CMTM7: variants seen among roughly 807,000 people sequenced by gnomAD.
The protein encoded by CMTM7 is CKLF like MARVEL transmembrane domain containing 7.
In CMTM7, 7 loss-of-function variants were observed where a neutral mutation model predicts 19.3. That is an observed-to-expected ratio of 0.36 (90% confidence interval 0.21 to 0.68). The LOEUF is 0.68. Among genes scored for constraint, CMTM7 ranks in the 30% least tolerant of loss-of-function variants. CMTM7 has a pLI of 0.60. For synonymous variants in CMTM7, 87 were observed against 99.3 expected (o/e 0.88, Z 0.74); for missense variants, 193 against 232.6 (o/e 0.83, Z 1.11).
At chr3:32,419,011 T>C (rs1458158506) in intron 1 of CMTM7, among the ~76,000 whole-genome samples, 3 of 152,230 alleles carry the variant, frequency 2.0e-5, no homozygotes, top group Non-Finnish European at 4.4e-5. Context: ...TATCATGAAT[T>C]AATAATATCT....
chr3:32,454,414 C>T lies in CMTM7; in HGVS notation c.*160C>T. 1.2e-6 allele frequency: 1 copy of T among 846,812 alleles called. No individual in the cohort carries two copies. The highest frequency in any genetic ancestry group is 2.0e-6 in the Non-Finnish European group (1 of 506,312). The allele number at this position is 846,812 out of a possible 1,614,324, so 52.5% of individuals were successfully genotyped here. A position where few individuals can be genotyped will look rare whatever the true frequency, so the allele number is the denominator to read the frequency against. The stretch of plus-strand genomic sequence containing the variant: ...TTCCTGCTCTCCCAGGAAGCCAGCT[C>T]CCTGAGCTCCTGAGCCAGCCGGAAA... On this transcript the variant is annotated 3_prime_UTR_variant, in exon 5 of 5. Transcript: ENST00000334983.
intron 1 of CMTM7, among the ~76,000 whole-genome samples, chr3:32,403,279 A>G (rs112947986): frequency 1.3e-3 from 201 of 152,232 alleles, no homozygotes; most frequent in African/African-American, 4.6e-3. Flanking sequence ...CAGTGGTGCT[A>G]TCTCTGCTCA....
intron 4 of CMTM7, 149 bp from the exon 5 acceptor site, chr3:32,454,092 A>T (rs1027146912): frequency 2.6e-5 from 23 of 878,950 alleles, no homozygotes; most frequent in African/African-American, 1.9e-4. Flanking sequence ...ATGTATTTTT[A>T]AAAAATGGAA....
At chr3:32,430,811 G>T (rs377134710) in intron 1 of CMTM7, among the ~76,000 whole-genome samples, 26 of 151,972 alleles carry the variant, frequency 1.7e-4, no homozygotes, top group Middle Eastern at 3.2e-3. Context: ...GTCATCCCAC[G>T]TGTTAGAGAT....
chr3:32,443,503 T>C (rs1174401018), intron 2 of CMTM7, among the ~76,000 whole-genome samples: 1 of 152,250 alleles, frequency 6.6e-6, no homozygotes, highest in Non-Finnish European at 1.5e-5. Context: ...ACCTTTTGGC[T>C]ATTATGAATA....
chr3:32,399,013 A>G (rs1250714418), intron 1 of CMTM7, among the ~76,000 whole-genome samples: 1 of 152,042 alleles, frequency 6.6e-6, no homozygotes, highest in Non-Finnish European at 1.5e-5. Context: ...AAGAGCACGG[A>G]CCCTGGCTGT....
chr3:32,432,351 G>A (rs927992985), intron 1 of CMTM7, among the ~76,000 whole-genome samples: 4 of 152,090 alleles, frequency 2.6e-5, no homozygotes, highest in Admixed American at 6.5e-5. Context: ...CTGCCTCAGC[G>A]AGTGCTTCCT....
intron 1 of CMTM7, among the ~76,000 whole-genome samples, chr3:32,419,833 G>A (rs991522983): frequency 2.0e-5 from 3 of 152,152 alleles, no homozygotes; most frequent in Admixed American, 2.0e-4. Context: ...GCTTGTTAAT[G>A]ACTCAACCCA....
intron 1 of CMTM7, among the ~76,000 whole-genome samples, chr3:32,392,549 G>A (rs1057475712): frequency 1.6e-4 from 25 of 152,240 alleles, no homozygotes; most frequent in Non-Finnish European, 3.4e-4. Context: ...CCTGCTCTGT[G>A]TGCAGTTTCG....
At chr3:32,446,537 A>G (rs1335113261) in intron 2 of CMTM7, among the ~76,000 whole-genome samples, 3 of 151,090 alleles carry the variant, frequency 2.0e-5, no homozygotes, top group Non-Finnish European at 4.4e-5. Context: ...CCTTAGGTTT[A>G]GTTTGATCTT....
chr3:32,409,657 A>G (rs1003721324), intron 1 of CMTM7, among the ~76,000 whole-genome samples: 2 of 152,326 alleles, frequency 1.3e-5, no homozygotes, highest in South Asian at 4.1e-4. Context: ...TGGAGAGTCC[A>G]GGACACAGCT....
At chr3:32,450,415 A>C (rs1696812955) in intron 3 of CMTM7, among the ~76,000 whole-genome samples, 2 of 152,118 alleles carry the variant, frequency 1.3e-5, no homozygotes, top group South Asian at 4.1e-4. Flanking sequence ...AAAAGAGAAA[A>C]AGAAAAGCTC....
In CMTM7 at chr3:32,443,102, C is replaced by T. The variant is rs150582021; in HGVS notation, c.333+1089C>T. Among the ~76,000 whole-genome samples, 375 of 152,020 alleles carry T rather than the reference C, an allele frequency of 2.5e-3. 4 individuals are homozygous for T. The highest frequency in any genetic ancestry group is 8.4e-3 in the African/African-American group (348 of 41,484). On this transcript the variant is annotated intron_variant, in intron 2 of 4. Transcript: ENST00000334983. ...TGTAGCAGGTATCAGTATTTCATTC[C>T]TTTTTTTCTTTTTAGAGACAGGGTC...
chr3:32,401,340 T>A lies in CMTM7; in HGVS notation c.159+9275T>A, dbSNP rs1490988834. Among the ~76,000 whole-genome samples the A allele has an allele frequency of 2.0e-5, 3 of 152,202 alleles. No homozygotes were observed. In the East Asian group the frequency reaches 5.8e-4, roughly 29 times the overall value. ...CACTTACAGCCCGACTGGGAATCAC[T>A]GGCCCGAGTGAGGCGATAGGGATGG... On this transcript the variant is annotated intron_variant, in intron 1 of 4. Transcript: ENST00000334983.
chr3:32,446,408 T>C (rs988628434), intron 2 of CMTM7, among the ~76,000 whole-genome samples: 1 of 152,204 alleles, frequency 6.6e-6, no homozygotes, highest in African/African-American at 2.4e-5. Flanking sequence ...AGCTGAAGAT[T>C]TGTCAATCTT....
intron 1 of CMTM7, among the ~76,000 whole-genome samples, chr3:32,406,814 A>G (rs1450437488): frequency 2.0e-5 from 3 of 152,222 alleles, no homozygotes; most frequent in Non-Finnish European, 4.4e-5. Flanking sequence ...TCTATGGGGA[A>G]CACTGGAGAG....
chr3:32,432,782 C>G (rs1696539313), intron 1 of CMTM7, among the ~76,000 whole-genome samples: 1 of 152,166 alleles, frequency 6.6e-6, no homozygotes, highest in African/African-American at 2.4e-5. Flanking sequence ...TTTTGCTCTT[C>G]TTGTCATCCT....
intron 1 of CMTM7, among the ~76,000 whole-genome samples, chr3:32,441,067 A>G (rs1405278713): frequency 6.6e-6 from 1 of 152,162 alleles, no homozygotes; most frequent in Non-Finnish European, 1.5e-5. Flanking sequence ...CTCACCTCTT[A>G]AACAGGATTC....
At chr3:32,429,120 T>C (rs753986723) in intron 1 of CMTM7, among the ~76,000 whole-genome samples, 9 of 152,338 alleles carry the variant, frequency 5.9e-5, no homozygotes, top group Middle Eastern at 3.4e-3. Context: ...ACTGCTCGAA[T>C]TGCTTATTAA....
Sources: allele counts gnomAD v4.1 joint callset (sites outside exome capture counted in the v4.1 genomes callset), GRCh38; gene constraint gnomAD v4.1.1; transcripts MANE v1.5; gene names NCBI Gene and HGNC (gene_info 2026-07-23, HGNC 2026-07-21).